Variants in PLCB1 observed in about 807,000 individuals in gnomAD.
PLCB1 encodes the protein 1-phosphatidylinositol 4,5-bisphosphate phosphodiesterase beta-1.
In PLCB1, 46 loss-of-function variants were observed where a neutral mutation model predicts 161.8. That is an observed-to-expected ratio of 0.28 (90% confidence interval 0.22 to 0.36). The LOEUF (loss-of-function observed/expected upper bound fraction) is 0.36, where lower values mean the gene tolerates loss of function less well. Ranked by LOEUF, PLCB1 falls within the 10% of genes least tolerant of loss-of-function variation. The probability of loss-of-function intolerance (pLI) is 1.00; values close to 1 mark genes in which losing one functional copy is unlikely to be tolerated. For synonymous variants in PLCB1, 517 were observed against 503.7 expected (o/e 1.03, Z -0.35); for missense variants, 1,016 against 1,472.5 (o/e 0.69, Z 5.07).
chr20:8,320,905 AAAGAAG>A (rs200948768), intron 2 of PLCB1, among the ~76,000 whole-genome samples: 1 of 151,486 alleles, frequency 6.6e-6, no homozygotes, highest in African/African-American at 2.4e-5. Context: ...GAGAAGAAGA[AAAGAAG>A]AAGAGGAAGA....
intron 27 of PLCB1, among the ~76,000 whole-genome samples, chr20:8,777,888 G>A (rs1983023726): frequency 6.6e-6 from 1 of 152,106 alleles, no homozygotes; most frequent in South Asian, 2.1e-4. Flanking sequence ...GTCTTACATG[G>A]ATGGCAGCAG....
intron 31 of PLCB1, among the ~76,000 whole-genome samples, chr20:8,852,116 C>T (rs560062904): frequency 5.3e-4 from 80 of 152,314 alleles, no homozygotes; most frequent in Admixed American, 1.9e-3. Flanking sequence ...TCAGTTCATT[C>T]CTGCTGCCAG....
At chr20:8,182,819 A>G (rs8116488) in intron 2 of PLCB1, among the ~76,000 whole-genome samples, 47,397 of 151,530 alleles carry the variant, frequency 0.31, 9,552 homozygotes, top group African/African-American at 0.58. Flanking sequence ...AACCTGAAGC[A>G]ATCCGCCCAC....
In PLCB1 at chr20:8,626,177, CAAAAA is replaced by C. The variant is rs71184104; in HGVS notation, c.247-2103_247-2099del. Among the ~76,000 whole-genome samples the C allele has an allele frequency of 6.8e-3, 801 of 117,464 alleles. 4 individuals carry two copies. The highest frequency in any genetic ancestry group is 0.058 in the Middle Eastern group (13 of 224). 77.1% of individuals were successfully genotyped at this position (117,464 alleles called of 152,430 possible). Reference sequence around the variant, plus strand: ...TGAGCAACAAAGCAAGACTCCATCTCAAAAAAAAAAAAAAAAAAGAAAAGATATAT... The same window carrying C: ...TGAGCAACAAAGCAAGACTCCATCTCAAAAAAAAAAAAAGAAAAGATATAT... On this transcript the variant is annotated intron_variant, in intron 3 of 31. Transcript: ENST00000338037.
intron 23 of PLCB1, among the ~76,000 whole-genome samples, chr20:8,746,968 G>C (rs1447501311): frequency 6.6e-6 from 1 of 152,126 alleles, no homozygotes; most frequent in Non-Finnish European, 1.5e-5. Flanking sequence ...GATACTGCTG[G>C]TCCTTGGAGC....
At chr20:8,810,643 T>C (rs372346036) in intron 31 of PLCB1, among the ~76,000 whole-genome samples, 5 of 152,086 alleles carry the variant, frequency 3.3e-5, no homozygotes, top group African/African-American at 9.6e-5. Context: ...TCCCAGGAGG[T>C]AGTTCTGGAT....
chr20:8,658,789 C>A, intron 9 of PLCB1, 85 bp downstream of exon 9: 1 of 1,146,308 alleles, frequency 8.7e-7, no homozygotes. Flanking sequence ...CACCAGTGAT[C>A]GTTAGGTTAG....
intron 3 of PLCB1, among the ~76,000 whole-genome samples, chr20:8,500,333 T>A (rs567231266): frequency 6.6e-6 from 1 of 152,224 alleles, no homozygotes; most frequent in Non-Finnish European, 1.5e-5. Flanking sequence ...CAATACCACA[T>A]ACATTTACAT....
rs754276995 is a variant in PLCB1 at position 8,697,611 on chromosome 20, G to C, written c.1010-15G>C. On this transcript the variant is annotated splice_polypyrimidine_tract_variant and intron_variant, in intron 10 of 31. Transcript: ENST00000338037. ...TTCATGGGAATCTGGGGTTTGTTTT[G>C]TTGGTGTTTTATAGCTGGCCAACTG... is the stretch of plus-strand genomic sequence containing the variant. 4.3e-6 allele frequency: 7 copies of C among 1,613,590 alleles called. No individual in the cohort carries two copies. The Admixed American group carries it at 6.7e-5, about 15-fold the overall frequency.
chr20:8,879,684 A>T (rs1987903959), intron 31 of PLCB1, among the ~76,000 whole-genome samples: 1 of 152,234 alleles, frequency 6.6e-6, no homozygotes, highest in Non-Finnish European at 1.5e-5. Flanking sequence ...TATAAATTAA[A>T]TAATTTAGTA....
rs139039394 is a variant in PLCB1, at chr20:8,879,565, T to C, written c.3424-2057T>C. ...TGTATCAGTATCATCCCAATATCAG[T>C]TCATGTCAATGAGTCTGCCACAAAT... On this transcript the variant is annotated intron_variant, in intron 31 of 31. Transcript: ENST00000338037. Among the ~76,000 whole-genome samples, 980 of 152,178 alleles carry C rather than the reference T, an allele frequency of 6.4e-3. 6 individuals carry two copies. Among genetic ancestry groups the C allele is most frequent in the African/African-American group, 0.022 (912 of 41,516 alleles).
intron 3 of PLCB1, among the ~76,000 whole-genome samples, chr20:8,445,567 T>G (rs1168708183): frequency 6.6e-6 from 1 of 152,148 alleles, no homozygotes; most frequent in Non-Finnish European, 1.5e-5. Flanking sequence ...AAAGTAGTTT[T>G]TTCCAATTCT....
At chr20:8,271,095 T>A (rs1982256683) in intron 2 of PLCB1, among the ~76,000 whole-genome samples, 1 of 152,130 alleles carries the variant, frequency 6.6e-6, no homozygotes, top group Non-Finnish European at 1.5e-5. Flanking sequence ...TGTGCCATTG[T>A]GTTTTGTTTG....
intron 9 of PLCB1, among the ~76,000 whole-genome samples, chr20:8,669,858 A>G (rs1434983473): frequency 2.6e-5 from 4 of 152,210 alleles, no homozygotes; most frequent in African/African-American, 9.6e-5. Context: ...ATGCTAGACT[A>G]TGGAAGAGAT....
At chr20:8,645,153 C>G (rs1436472398) in intron 4 of PLCB1, among the ~76,000 whole-genome samples, 2 of 148,804 alleles carry the variant, frequency 1.3e-5, no homozygotes, top group African/African-American at 2.4e-5. Context: ...ACTCCCTAAT[C>G]TCAAGTACCC....
Position 8,451,153 on chromosome 20 carries a change from C to G in PLCB1, c.246+79703C>G, listed in dbSNP as rs79726689. 6.6e-3 allele frequency among the ~76,000 whole-genome samples: 999 copies of G among 152,278 alleles called. 12 individuals are homozygous for G. The highest frequency in any genetic ancestry group is 0.023 in the African/African-American group (957 of 41,562). ...ATTTTTCAGCCACACGGTATTGATT[C>G]ATCACTTCCATATTCAGCTATGCCT... On this transcript the variant is annotated intron_variant, in intron 3 of 31. Coordinates refer to ENST00000338037, the MANE Select transcript of PLCB1 (RefSeq NM_015192.4).
At chr20:8,570,456 C>T (rs189719536) in intron 3 of PLCB1, among the ~76,000 whole-genome samples, 2 of 152,168 alleles carry the variant, frequency 1.3e-5, no homozygotes, top group East Asian at 1.9e-4. Flanking sequence ...TACATATATA[C>T]GAACACACCC....
At chr20:8,880,464 G>C (rs1419399656) in intron 31 of PLCB1, among the ~76,000 whole-genome samples, 4 of 152,164 alleles carry the variant, frequency 2.6e-5, no homozygotes, top group Non-Finnish European at 5.9e-5. Flanking sequence ...TTAAGAGACA[G>C]TTTAAAGGGT....
intron 2 of PLCB1, among the ~76,000 whole-genome samples, chr20:8,171,330 A>G (rs2051731091): frequency 6.6e-6 from 1 of 152,200 alleles, no homozygotes; most frequent in Non-Finnish European, 1.5e-5. Flanking sequence ...GTAAGCTTCA[A>G]ATTGGAATTT....
Sources: allele counts gnomAD v4.1 joint callset (sites outside exome capture counted in the v4.1 genomes callset), GRCh38; gene constraint gnomAD v4.1.1; transcripts MANE v1.5; gene names NCBI Gene and HGNC (gene_info 2026-07-23, HGNC 2026-07-21).